FNDC3B: variants seen among roughly 807,000 people sequenced by gnomAD.
FNDC3B encodes the protein fibronectin type III domain containing 3B, also known as fibronectin type III domain-containing protein 3B.
A neutral mutation model predicts 151.5 loss-of-function variants in FNDC3B; 12 were observed. That is an observed-to-expected ratio of 0.08 (90% confidence interval 0.05 to 0.13). The LOEUF is 0.13. Among genes scored for constraint, FNDC3B ranks in the 10% least tolerant of loss-of-function variants. The pLI is 1.00. For missense variants in FNDC3B, 1,214 were observed against 1,505.3 expected (o/e 0.81, Z 3.20); for synonymous variants, 528 against 549.0 (o/e 0.96, Z 0.54).
intron 23 of FNDC3B, among the ~76,000 whole-genome samples, chr3:172,376,179 A>G (rs1023247567): frequency 3.9e-5 from 6 of 152,248 alleles, no homozygotes; most frequent in Non-Finnish European, 7.3e-5. Context: ...AAGGAACACA[A>G]TAGTCTAGAA....
chr3:172,296,372 C>T (rs1730602015), intron 8 of FNDC3B, among the ~76,000 whole-genome samples: 1 of 152,204 alleles, frequency 6.6e-6, no homozygotes, highest in Non-Finnish European at 1.5e-5. Context: ...ATTCTTGCTC[C>T]ACAGACAGTC....
At chr3:172,387,344 C>G (rs915775096) in intron 25 of FNDC3B, among the ~76,000 whole-genome samples, 2 of 151,940 alleles carry the variant, frequency 1.3e-5, no homozygotes, top group Non-Finnish European at 2.9e-5. Context: ...GTGATCCACC[C>G]GCCTCACCCT....
At chr3:172,126,959 G>C (rs1720835451) in intron 2 of FNDC3B, 1 of 455,310 alleles carries the variant, frequency 2.2e-6, no homozygotes, top group South Asian at 1.6e-5. Flanking sequence ...TTGTTGCCGG[G>C]ACACACAGAA....
chr3:172,180,637 G>A (rs1723841426), intron 3 of FNDC3B, among the ~76,000 whole-genome samples: 1 of 152,178 alleles, frequency 6.6e-6, no homozygotes, highest in African/African-American at 2.4e-5. Flanking sequence ...TAGATATGAG[G>A]GATGTGGGAG....
chr3:172,215,680 C>T (rs1472599525), intron 3 of FNDC3B, among the ~76,000 whole-genome samples: 5 of 152,156 alleles, frequency 3.3e-5, no homozygotes, highest in East Asian at 3.8e-4. Context: ...GCCGAGATTG[C>T]GCCACTGCAG....
chr3:172,270,840 T>G (rs373199387), intron 6 of FNDC3B, among the ~76,000 whole-genome samples: 11 of 152,360 alleles, frequency 7.2e-5, no homozygotes, highest in African/African-American at 2.4e-4. Context: ...TTATAAGACT[T>G]GGGTTAAAAT....
intron 3 of FNDC3B, among the ~76,000 whole-genome samples, chr3:172,195,795 C>T (rs1212320526): frequency 6.6e-6 from 1 of 152,174 alleles, no homozygotes; most frequent in African/African-American, 2.4e-5. Flanking sequence ...GTTAAGAACC[C>T]AGGCTTTGGA....
intron 6 of FNDC3B, among the ~76,000 whole-genome samples, chr3:172,252,811 C>T (rs1005049954): frequency 2.6e-5 from 4 of 152,102 alleles, no homozygotes; most frequent in African/African-American, 9.7e-5. Context: ...GCAATTATCA[C>T]GTTATTCTTA....
chr3:172,155,559 T>G (rs1722438122), intron 3 of FNDC3B, among the ~76,000 whole-genome samples: 1 of 152,254 alleles, frequency 6.6e-6, no homozygotes, highest in Non-Finnish European at 1.5e-5. Flanking sequence ...CAAACAGATT[T>G]TGGAAATCAT....
chr3:172,099,344 T>C (rs1392193165), intron 1 of FNDC3B, among the ~76,000 whole-genome samples: 1 of 152,100 alleles, frequency 6.6e-6, no homozygotes, highest in East Asian at 1.9e-4. Context: ...TGAATGACCC[T>C]AGAAAATACT....
At chr3:172,354,141 A>C (rs1192841049) in intron 22 of FNDC3B, among the ~76,000 whole-genome samples, 1 of 152,168 alleles carries the variant, frequency 6.6e-6, no homozygotes, top group Non-Finnish European at 1.5e-5. Context: ...AAAACCTTAA[A>C]AATTCAAAGT....
chr3:172,108,389 T>A (rs1415617341), intron 1 of FNDC3B, among the ~76,000 whole-genome samples: 1 of 152,224 alleles, frequency 6.6e-6, no homozygotes, highest in Non-Finnish European at 1.5e-5. Flanking sequence ...AGAGTAAGCT[T>A]TAGTTCTTAA....
At chr3:172,293,065 A>T (rs1240418200) in intron 7 of FNDC3B, among the ~76,000 whole-genome samples, 1 of 152,216 alleles carries the variant, frequency 6.6e-6, no homozygotes, top group Non-Finnish European at 1.5e-5. Flanking sequence ...GAGGCCCCTC[A>T]TGTGCCTGTC....
intron 7 of FNDC3B, among the ~76,000 whole-genome samples, chr3:172,295,033 A>T (rs1033839013): frequency 6.6e-6 from 1 of 152,238 alleles, no homozygotes; most frequent in Non-Finnish European, 1.5e-5. Context: ...ACCTGTGGGT[A>T]TGGCTTCTTC....
intron 13 of FNDC3B, 72 bp downstream of exon 13, chr3:172,330,787 G>T: frequency 8.2e-7 from 1 of 1,212,338 alleles, no homozygotes; most frequent in Non-Finnish European, 1.2e-6. Flanking sequence ...AGGGCACCAT[G>T]AAATTAGATT....
At chr3:172,214,574 T>C (rs1417751519) in intron 3 of FNDC3B, among the ~76,000 whole-genome samples, 2 of 151,892 alleles carry the variant, frequency 1.3e-5, no homozygotes, top group Admixed American at 6.6e-5. Flanking sequence ...CATTTTTTTT[T>C]CCATTGAGCA....
At chr3:172,380,354 G>A (rs1463611302) in intron 24 of FNDC3B, among the ~76,000 whole-genome samples, 1 of 151,892 alleles carries the variant, frequency 6.6e-6, no homozygotes, top group Non-Finnish European at 1.5e-5. Context: ...AGGAGTTCAG[G>A]AGGTGAAAAA....
intron 3 of FNDC3B, chr3:172,186,818 C>T (rs73023578): frequency 8.7e-6 from 6 of 687,192 alleles, no homozygotes; most frequent in African/African-American, 7.1e-5. Context: ...GATATTTCTT[C>T]ATTACGAGCA....
intron 3 of FNDC3B, among the ~76,000 whole-genome samples, chr3:172,161,762 C>T (rs769735917): frequency 6.6e-5 from 10 of 152,148 alleles, no homozygotes; most frequent in Non-Finnish European, 1.0e-4. Context: ...TCAGTGGTTT[C>T]ATATATTGTG....
Sources: gnomAD v4.1 joint callset for allele counts (sites outside exome capture counted in the v4.1 genomes callset) on GRCh38, gnomAD v4.1.1 for gene constraint, MANE v1.5 for transcripts, NCBI Gene and HGNC (gene_info 2026-07-23, HGNC 2026-07-21) for gene names.